Variants in SNAP47 observed in about 807,000 individuals in gnomAD.
SNAP47 encodes synaptosomal-associated protein 47.
Under a neutral mutation model 31.4 loss-of-function variants are expected in SNAP47, and 20 were observed. The ratio of observed to expected loss-of-function variants is 0.64; its 90% CI spans 0.45 to 0.93. SNAP47 has a LOEUF of 0.93. Among genes scored for constraint, SNAP47 ranks in the 40% least tolerant of loss-of-function variants. SNAP47 has a pLI of 0.00. For synonymous variants in SNAP47, 194 were observed against 213.4 expected (o/e 0.91, Z 0.79); for missense variants, 492 against 528.5 (o/e 0.93, Z 0.68).
At chr1:227,772,505 C>T (rs1394007658) in intron 4 of SNAP47, among the ~76,000 whole-genome samples, 4 of 152,096 alleles carry the variant, frequency 2.6e-5, no homozygotes, top group East Asian at 3.9e-4. Flanking sequence ...GGTGGATGTA[C>T]GAGCTGTTTC....
In SNAP47 at chr1:227,748,051, GC is replaced by G; in HGVS notation, c.317del (p.Pro106LeufsTer17). 1 of 1,614,200 alleles carries G rather than the reference GC, an allele frequency of 6.2e-7. No individual in the cohort carries two copies. Among genetic ancestry groups the G allele is most frequent in the Non-Finnish European group, 8.5e-7 (1 of 1,180,028 alleles). On this transcript the variant is annotated frameshift_variant, in exon 2 of 5. Coordinates refer to ENST00000617596, the MANE Select transcript of SNAP47 (RefSeq NM_053052.4). LOFTEE classifies it high-confidence loss of function. ...HFWRELLLSQ[P>X]GAVADASVPR... is the part of the protein sequence containing the mutation. ...TCTGGAGGGAGCTGCTGCTGTCTCA[GC>G]CTGGAGCCGTGGCAGACGCATCTGT...
rs115319636 is a variant in SNAP47, at chr1:227,741,011, C to G, written c.-46+5512C>G. On this transcript the variant is annotated intron_variant, in intron 1 of 4. Transcript: ENST00000617596. The surrounding 1 kb of genome is among the most constrained non-coding windows in gnomAD (Gnocchi z 4.2). The stretch of plus-strand genomic sequence containing the variant: ...GTTAGGGTCAGGGACAGATGCCCAG[C>G]GGGTGATAGGGGAGGGCCTGTGAAG... 7.3e-6 allele frequency among the ~76,000 whole-genome samples: 1 copy of G among 137,844 alleles called. No individual in the cohort carries two copies. Among genetic ancestry groups the G allele is most frequent in the African/African-American group, 3.0e-5 (1 of 33,372 alleles). The allele number at this position is 137,844 out of a possible 152,430, so 90.4% of individuals were successfully genotyped here. A position where few individuals can be genotyped will look rare whatever the true frequency, so the allele number is the denominator to read the frequency against.
chr1:227,734,985 G>A, upstream of SNAP47: 1 of 1,509,098 alleles, frequency 6.6e-7, no homozygotes, highest in Non-Finnish European at 8.8e-7. Context: ...TTTCCTCCCC[G>A]CCCGGGGTCT....
At chr1:227,780,214 A>G (rs901648761) in intron 4 of SNAP47, among the ~76,000 whole-genome samples, 1 of 152,130 alleles carries the variant, frequency 6.6e-6, no homozygotes, top group Non-Finnish European at 1.5e-5. Context: ...CGCTCCCACA[A>G]GGTCAGCCAA....
chr1:227,745,230 T>C (rs893551743), intron 1 of SNAP47, among the ~76,000 whole-genome samples: 1 of 152,124 alleles, frequency 6.6e-6, no homozygotes, highest in Admixed American at 6.5e-5. Context: ...TACCAACGAA[T>C]CAAAACAGAG....
At chr1:227,776,055 G>A in intron 4 of SNAP47, 1 of 1,191,374 alleles carries the variant, frequency 8.4e-7, no homozygotes. Context: ...CCACGCATCA[G>A]TTGCGTTTCT....
In SNAP47 at chr1:227,780,586, C is replaced by G. The variant is rs202199394; in HGVS notation, c.1173C>G (p.Asp391Glu). 105 of 1,614,178 alleles carry G rather than the reference C, an allele frequency of 6.5e-5. No individual in the cohort carries two copies. The East Asian group carries it at 2.1e-3, about 32-fold the overall frequency. Residue 391 changes from aspartate to glutamate, a missense_variant, in exon 5 of 5, where the codon GAC (aspartate) becomes GAG (glutamate). Coordinates refer to ENST00000617596, the MANE Select transcript of SNAP47 (RefSeq NM_053052.4). Reference protein sequence around the residue: ...LEAESELERQDEALDGVAAAV... With the variant: ...LEAESELERQEEALDGVAAAV... Reference sequence around the variant, plus strand: ...CCGAGAGTGAGCTGGAGAGACAAGACGAAGCCCTGGATGGCGTTGCAGCAG... The same window carrying G: ...CCGAGAGTGAGCTGGAGAGACAAGAGGAAGCCCTGGATGGCGTTGCAGCAG...
rs574521598 is a variant in SNAP47 at position 227,763,235 on chromosome 1, G to A, written c.989-3724G>A. 2.0e-5 allele frequency among the ~76,000 whole-genome samples: 3 copies of A among 152,246 alleles called. No homozygotes were observed. Among genetic ancestry groups the A allele is most frequent in the Admixed American group, 6.5e-5 (1 of 15,296 alleles). ...CTCCCAGAGTGCTGGGATTTCAGGC[G>A]TGAGCCTCTACCCTGCTGTGCACAG... On this transcript the variant is annotated intron_variant, in intron 3 of 4. Transcript: ENST00000617596. The surrounding 1 kb of genome is among the most constrained non-coding windows in gnomAD (Gnocchi z 4.2).
At position 227,741,763 on chromosome 1, in the gene SNAP47, T is replaced by C. The variant is rs1414102787; in HGVS notation, c.-45-5929T>C. ...GCCGGCGTGGGGGCCGTGTTCAAGA[T>C]TGGGCTGCTTCTGATGTTCCATGGG... is the stretch of plus-strand genomic sequence containing the variant. On this transcript the variant is annotated intron_variant, in intron 1 of 4. Transcript: ENST00000617596. The surrounding 1 kb of genome is among the most constrained non-coding windows in gnomAD (Gnocchi z 4.2). Among the ~76,000 whole-genome samples the C allele has an allele frequency of 6.6e-6, 1 of 152,018 alleles. No homozygotes were observed. Among genetic ancestry groups the C allele is most frequent in the African/African-American group, 2.4e-5 (1 of 41,344 alleles).
upstream of SNAP47, chr1:227,732,776 A>G: frequency 5.0e-6 from 8 of 1,591,144 alleles, no homozygotes; most frequent in Non-Finnish European, 1.7e-6. Context: ...AGAAGGGACC[A>G]TTAAGACAGA....
intron 4 of SNAP47, among the ~76,000 whole-genome samples, chr1:227,775,463 C>T (rs6697061): frequency 0.079 from 11,991 of 152,214 alleles, 860 homozygotes; most frequent in East Asian, 0.39. Context: ...GGTGATGTGC[C>T]GCACTCCGGC....
chr1:227,764,761 G>A lies in SNAP47; in HGVS notation c.989-2198G>A, dbSNP rs895832840. Among the ~76,000 whole-genome samples, 7 of 152,202 alleles carry A rather than the reference G, an allele frequency of 4.6e-5. No individual in the cohort carries two copies. In the East Asian group the frequency reaches 5.8e-4, roughly 13 times the overall value. On this transcript the variant is annotated intron_variant, in intron 3 of 4. Transcript: ENST00000617596. ...TTACTAAAAATAAAAAAAATTAGCC[G>A]GGTGTGGTGGTGTGCACCTGTACTC...
chr1:227,768,899 A>G (rs919116926), intron 4 of SNAP47, among the ~76,000 whole-genome samples: 10 of 152,236 alleles, frequency 6.6e-5, no homozygotes, highest in Non-Finnish European at 4.4e-5. Context: ...CACGGCCGAG[A>G]TACTCACTGT....
At chr1:227,779,023 C>T (rs536393540) in intron 4 of SNAP47, among the ~76,000 whole-genome samples, 1 of 152,350 alleles carries the variant, frequency 6.6e-6, no homozygotes, top group South Asian at 2.1e-4. Context: ...GTGACCTCAG[C>T]CCCCAACTCC....
intron 2 of SNAP47, among the ~76,000 whole-genome samples, chr1:227,752,528 C>G (rs540979624): frequency 3.3e-5 from 5 of 152,156 alleles, no homozygotes; most frequent in Non-Finnish European, 7.3e-5. Context: ...GCATAATGTG[C>G]TCCAGGTCTG....
intron 4 of SNAP47, chr1:227,776,517 G>C: frequency 1.0e-6 from 1 of 985,562 alleles, no homozygotes. Context: ...TGGCTGCCTC[G>C]GAGCTGACAG....
intron 4 of SNAP47, chr1:227,768,204 A>G (rs1663561458): frequency 1.1e-6 from 1 of 883,598 alleles, no homozygotes. Context: ...TATGTGGCGC[A>G]CATGCAGTCT....
upstream of SNAP47, chr1:227,734,613 G>A (rs373083206): frequency 3.7e-6 from 6 of 1,608,096 alleles, no homozygotes; most frequent in Non-Finnish European, 4.3e-6. Flanking sequence ...CGCAGCGCTA[G>A]GGAAGGCAGC....
chr1:227,732,287 AG>A (rs1660700034), upstream of SNAP47: 2 of 1,348,926 alleles, frequency 1.5e-6, no homozygotes, highest in Admixed American at 3.7e-5. Context: ...AAGCCTCGAC[AG>A]GGGTGGGCCC....
Sources: allele counts gnomAD v4.1 joint callset (sites outside exome capture counted in the v4.1 genomes callset), GRCh38; gene constraint gnomAD v4.1.1; non-coding constraint Gnocchi (gnomAD v3.1); transcripts MANE v1.5; gene names NCBI Gene and HGNC (gene_info 2026-07-23, HGNC 2026-07-21).